The following COL6A2 variants were observed in gnomAD, a reference collection of about 807,000 sequenced individuals.
COL6A2 encodes the protein collagen type VI alpha 2 chain.
A neutral mutation model predicts 124.9 loss-of-function variants in COL6A2; 90 were observed. That is an observed-to-expected ratio of 0.72 (90% CI 0.61 to 0.86). COL6A2 has a LOEUF of 0.86. Ranked by LOEUF, COL6A2 falls within the 40% of genes least tolerant of loss-of-function variation. COL6A2 has a pLI of 0.00. For missense variants in COL6A2, 1,607 were observed against 1,502.5 expected (o/e 1.07, Z -1.15); for synonymous variants, 793 against 618.2 (o/e 1.28, Z -4.19).
chr21:46,116,746 G>A lies in COL6A2; in HGVS notation c.955-24G>A. 6.2e-7 allele frequency: 1 copy of A among 1,613,104 alleles called. No individual in the cohort carries two copies. Among genetic ancestry groups the A allele is most frequent in the Non-Finnish European group, 8.5e-7 (1 of 1,180,010 alleles). ...GGGCAGAAGGACCGGGGCTAATGGA[G>A]TTCCCTCTTCCTTCTCTCTTCAGGG... On this transcript the variant is annotated intron_variant, in intron 9 of 27. Transcript: ENST00000300527. This position sits in a 1 kb window ranked among gnomAD's most constrained non-coding sequence, Gnocchi z 4.6.
chr21:46,116,930 C>CACA lies in COL6A2; in HGVS notation c.999+117_999+119dup. The CACA allele has an allele frequency of 1.6e-6, 1 of 633,468 alleles. No individual in the cohort carries two copies. The highest frequency in any genetic ancestry group is 2.5e-6 in the Non-Finnish European group (1 of 395,524). The allele number at this position is 633,468 out of a possible 1,614,324, so 39.2% of individuals were successfully genotyped here. ...TTACACATGTGTACACACGCATACACACACACACACACACACACACACACA... is the reference window on the plus strand; with the variant it reads ...TTACACATGTGTACACACGCATACACACAACACACACACACACACACACACACA... On this transcript the variant is annotated intron_variant, in intron 10 of 27. Transcript: ENST00000300527. The surrounding 1 kb of genome is among the most constrained non-coding windows in gnomAD (Gnocchi z 4.6).
intron 27 of COL6A2, among the ~76,000 whole-genome samples, chr21:46,128,224 G>A (rs903290744): frequency 2.6e-5 from 4 of 152,148 alleles, no homozygotes; most frequent in African/African-American, 9.7e-5. Context: ...TTGAAGCTCT[G>A]GCCTCTTCTG....
chr21:46,111,908 G>A (rs149730144), intron 2 of COL6A2, 71 bp from the exon 3 acceptor site: 29 of 1,503,498 alleles, frequency 1.9e-5, no homozygotes, highest in South Asian at 1.5e-4. Context: ...AAACAGGCAC[G>A]GGGCCAGGAA....
chr21:46,129,708 G>A (rs573195978), intron 27 of COL6A2: 344 of 1,411,654 alleles, frequency 2.4e-4, no homozygotes, highest in African/African-American at 1.6e-3. Context: ...TCTCTCCTCC[G>A]TCTTCCTGTG....
At chr21:46,123,955 G>A (rs944020922) in intron 21 of COL6A2, among the ~76,000 whole-genome samples, 7 of 148,582 alleles carry the variant, frequency 4.7e-5, no homozygotes, top group Non-Finnish European at 1.0e-4. Flanking sequence ...GTGGATGAGT[G>A]GATAGATGGG....
chr21:46,104,548 A>G (rs1446417652), intron 1 of COL6A2, among the ~76,000 whole-genome samples: 2 of 152,246 alleles, frequency 1.3e-5, no homozygotes, highest in African/African-American at 4.8e-5. Context: ...GTGGGATACC[A>G]TCAAGCAAAC....
At position 46,098,156 on chromosome 21, in the gene COL6A2, G is replaced by T. The variant is rs901063083; in HGVS notation, c.-45G>T. ...CCCGCGCCTCGGGCCGTCGGGAGCG[G>T]AGCCTCCTCGGGACCAGGTGAGCGC... On this transcript the variant is annotated 5_prime_UTR_variant, in exon 1 of 28. Transcript: ENST00000300527. The T allele has an allele frequency of 6.6e-6, 1 of 152,306 alleles. No individual in the cohort carries two copies. Among genetic ancestry groups the T allele is most frequent in the Non-Finnish European group, 1.5e-5 (1 of 68,126 alleles). The allele number at this position is 152,306 out of a possible 1,614,324, so 9.4% of individuals were successfully genotyped here. A position where few individuals can be genotyped will look rare whatever the true frequency, so the allele number is the denominator to read the frequency against.
At chr21:46,119,658 G>A (rs561904417) in intron 14 of COL6A2, 130 bp from the exon 15 acceptor site, 13 of 770,718 alleles carry the variant, frequency 1.7e-5, no homozygotes, top group East Asian at 1.4e-4. Flanking sequence ...CCTGGGGATC[G>A]AGGTCCCAGG....
rs2078643242 is a variant in COL6A2 at position 46,125,290 on chromosome 21, A to G, written c.1795A>G (p.Arg599Gly). The stretch of plus-strand genomic sequence containing the variant: ...GGAGTGTGACGTCATGACCTACGTG[A>G]GGGAGACCTGCGGGTGCTGCGGTGA... ...LTECDVMTYV[R>G]ETCGCCDCEK... is the part of the protein sequence containing the mutation. The change falls in exon 24 of 28, where the codon AGG becomes GGG. Residue 599 changes from arginine to glycine, a missense_variant. Arg to Gly is a moderately radical substitution (Grantham distance 125). Around this residue, in one of 3 missense-constraint regions of COL6A2, gnomAD observed 1,223 missense variants for 1,052.2 expected, o/e 1.16. Coordinates refer to ENST00000300527, the MANE Select transcript of COL6A2 (RefSeq NM_001849.4). 1 of 1,611,758 alleles carries G rather than the reference A, an allele frequency of 6.2e-7. No individual in the cohort carries two copies. The highest frequency in any genetic ancestry group is 8.5e-7 in the Non-Finnish European group (1 of 1,179,412).
chr21:46,121,729 C>A, intron 18 of COL6A2, 111 bp downstream of exon 18: 2 of 1,054,328 alleles, frequency 1.9e-6, no homozygotes, highest in Non-Finnish European at 2.9e-6. Context: ...TGCCTCAGGA[C>A]GGGCCTGTGC....
intron 24 of COL6A2, 56 bp from the exon 25 acceptor site, chr21:46,125,409 G>T: frequency 6.2e-7 from 1 of 1,609,932 alleles, no homozygotes; most frequent in South Asian, 1.1e-5. Context: ...ATGTGCACGT[G>T]ACCCTAGGGT....
chr21:46,125,023 G>A (rs2078638552), intron 23 of COL6A2, 103 bp downstream of exon 23: 2 of 1,421,274 alleles, frequency 1.4e-6, no homozygotes, highest in South Asian at 2.3e-5. Flanking sequence ...CAGAGAGCAA[G>A]ATCAGTGGAG....
chr21:46,116,877 G>A lies in COL6A2; in HGVS notation c.999+63G>A, dbSNP rs1001744413. On this transcript the variant is annotated intron_variant, in intron 10 of 27. Coordinates refer to ENST00000300527, the MANE Select transcript of COL6A2 (RefSeq NM_001849.4). The surrounding 1 kb of genome is among the most constrained non-coding windows in gnomAD (Gnocchi z 4.6). ...ACAGAGGCATCCCAGCCTCTGCAGG[G>A]CCCCCAGATCCAGCCTGATCTGTCA... is the stretch of plus-strand genomic sequence containing the variant. 2 of 1,569,594 alleles carry A rather than the reference G, an allele frequency of 1.3e-6. No individual in the cohort carries two copies. The highest frequency in any genetic ancestry group is 1.8e-6 in the Non-Finnish European group (2 of 1,142,054).
At chr21:46,118,766 C>A in intron 13 of COL6A2, 90 bp downstream of exon 13, 1 of 1,446,224 alleles carries the variant, frequency 6.9e-7, no homozygotes, top group Non-Finnish European at 9.5e-7. Context: ...ACCATCTCTG[C>A]TGTCACCATG....
intron 27 of COL6A2, among the ~76,000 whole-genome samples, chr21:46,131,662 G>A (rs1418718588): frequency 1.3e-5 from 2 of 152,206 alleles, no homozygotes; most frequent in Non-Finnish European, 2.9e-5. Context: ...TCCCAGGAGG[G>A]CAGCCTGTGC....
At chr21:46,119,196 G>C in intron 14 of COL6A2, 77 bp downstream of exon 14, 1 of 1,111,772 alleles carries the variant, frequency 9.0e-7, no homozygotes, top group Non-Finnish European at 1.3e-6. Context: ...CATGGGGGAA[G>C]GGCACCTGGG....
At position 46,126,513 on chromosome 21, in the gene COL6A2, C is replaced by T. The variant is rs776788517; in HGVS notation, c.2433C>T (p.Ile811=). Residue 811 remains isoleucine, a synonymous_variant, in exon 27 of 28, where the codon ATC becomes ATT. Coordinates refer to ENST00000300527, the MANE Select transcript of COL6A2 (RefSeq NM_001849.4). The stretch of plus-strand genomic sequence containing the variant: ...TCTCCTCTCTTCCAGACCCTCAGAT[C>T]GTGTGCCCAGACCTTCCCTGCCAAA... ...MEDVLCPDPQ[I]VCPDLPCQTE... is the part of the protein sequence containing the mutation. 20 of 1,612,244 alleles carry T rather than the reference C, an allele frequency of 1.2e-5. No homozygotes were observed. Among genetic ancestry groups the T allele is most frequent in the Non-Finnish European group, 1.6e-5 (19 of 1,178,928 alleles).
chr21:46,112,646 G>A (rs1438586554), intron 3 of COL6A2, 69 bp downstream of exon 3: 3 of 1,596,176 alleles, frequency 1.9e-6, no homozygotes, highest in Non-Finnish European at 2.6e-6. Context: ...CCCACTCCGG[G>A]CCTCACTTTA....
intron 1 of COL6A2, among the ~76,000 whole-genome samples, chr21:46,106,843 T>G (rs942124812): frequency 6.6e-6 from 1 of 152,252 alleles, no homozygotes; most frequent in East Asian, 1.9e-4. Context: ...TCACTCTATT[T>G]TTTATTTTGC....
Sources: gnomAD v4.1 joint callset for allele counts (sites outside exome capture counted in the v4.1 genomes callset) on GRCh38, gnomAD v4.1.1 for gene constraint, gnomAD v4.1.1 regional missense constraint, Gnocchi (gnomAD v3.1) non-coding constraint, MANE v1.5 for transcripts, NCBI Gene and HGNC (gene_info 2026-07-23, HGNC 2026-07-21) for gene names.